The following OPCML variants were observed in gnomAD, a reference collection of about 807,000 sequenced individuals.
OPCML encodes the protein opioid-binding protein/cell adhesion molecule.
OPCML carries 13 observed loss-of-function variants against 37.8 expected under a neutral mutation model. That is an observed-to-expected ratio of 0.34 (90% CI 0.22 to 0.55). OPCML has a LOEUF of 0.55. OPCML is among the 20% of genes least tolerant of loss of function. The pLI is 0.91. For synonymous variants in OPCML, 176 were observed against 168.8 expected (o/e 1.04, Z -0.33); for missense variants, 341 against 435.6 (o/e 0.78, Z 1.93).
At chr11:133,227,225 C>A (rs962058367) in intron 1 of OPCML, among the ~76,000 whole-genome samples, 1 of 152,180 alleles carries the variant, frequency 6.6e-6, no homozygotes, top group African/African-American at 2.4e-5. Context: ...CCTGTTTCAC[C>A]CCAGCCGCAC....
At chr11:132,451,813 C>T (rs921373854) in intron 4 of OPCML, among the ~76,000 whole-genome samples, 1 of 152,166 alleles carries the variant, frequency 6.6e-6, no homozygotes, top group African/African-American at 2.4e-5. Flanking sequence ...TGTGTGTGTT[C>T]CATCAATGTG....
At chr11:133,075,195 CAG>C (rs1565433285) in intron 1 of OPCML, among the ~76,000 whole-genome samples, 1 of 152,168 alleles carries the variant, frequency 6.6e-6, no homozygotes, top group Non-Finnish European at 1.5e-5. Flanking sequence ...TTGACACTGA[CAG>C]ATATCAGAGG....
At chr11:133,484,389 A>T (rs909259963) in intron 1 of OPCML, among the ~76,000 whole-genome samples, 3 of 152,162 alleles carry the variant, frequency 2.0e-5, no homozygotes, top group African/African-American at 4.8e-5. Flanking sequence ...ATTCAAAAAA[A>T]ATCCAGCCAG....
intron 1 of OPCML, among the ~76,000 whole-genome samples, chr11:133,363,784 C>CAAA (rs201046172): frequency 0.018 from 2,735 of 152,248 alleles, 76 homozygotes; most frequent in African/African-American, 0.063. Flanking sequence ...GTATCCCAAG[C>CAAA]CGAGCAAAAG....
chr11:132,873,809 C>T (rs746633532), intron 2 of OPCML, among the ~76,000 whole-genome samples: 10 of 145,964 alleles, frequency 6.9e-5, no homozygotes, highest in Non-Finnish European at 1.2e-4. Context: ...CTAAAACAAA[C>T]TAAATCAAAT....
intron 7 of OPCML, among the ~76,000 whole-genome samples, chr11:132,424,485 G>A (rs2095971342): frequency 6.6e-6 from 1 of 152,114 alleles, no homozygotes; most frequent in South Asian, 2.1e-4. Flanking sequence ...CCGGATAAAA[G>A]CCCACGGGTT....
intron 4 of OPCML, among the ~76,000 whole-genome samples, chr11:132,506,113 G>A (rs1188945466): frequency 6.6e-6 from 1 of 152,146 alleles, no homozygotes; most frequent in African/African-American, 2.4e-5. Flanking sequence ...ATATAATGAA[G>A]GGGTAACCAC....
chr11:133,018,221 A>G (rs146993080), intron 1 of OPCML, among the ~76,000 whole-genome samples: 242 of 152,314 alleles, frequency 1.6e-3, no homozygotes, highest in African/African-American at 5.3e-3. Flanking sequence ...AACATAATTC[A>G]TCTGGAGCAA....
intron 1 of OPCML, among the ~76,000 whole-genome samples, chr11:133,108,781 G>T (rs377146924): frequency 1.1e-4 from 16 of 148,494 alleles, no homozygotes; most frequent in African/African-American, 3.8e-4. Flanking sequence ...TGTTACCAAA[G>T]ACAGCGCTTT....
chr11:133,491,490 A>C (rs922932976), intron 1 of OPCML, among the ~76,000 whole-genome samples: 3 of 152,144 alleles, frequency 2.0e-5, no homozygotes, highest in Non-Finnish European at 4.4e-5. Context: ...GCTCATAAAC[A>C]ATATTTCCCC....
chr11:132,485,466 G>A (rs1293572447), intron 4 of OPCML, among the ~76,000 whole-genome samples: 1 of 152,152 alleles, frequency 6.6e-6, no homozygotes, highest in Non-Finnish European at 1.5e-5. Flanking sequence ...CACTCAAGTA[G>A]CTACCTCCCA....
At chr11:133,216,850 A>G (rs1376527693) in intron 1 of OPCML, among the ~76,000 whole-genome samples, 1 of 152,220 alleles carries the variant, frequency 6.6e-6, no homozygotes, top group Non-Finnish European at 1.5e-5. Flanking sequence ...ATGTAAATAT[A>G]TGTGCTCATA....
At chr11:132,621,342 C>T (rs1939395849) in intron 3 of OPCML, among the ~76,000 whole-genome samples, 1 of 152,046 alleles carries the variant, frequency 6.6e-6, no homozygotes. Context: ...ATTCAAAGGA[C>T]ATGAATAAAA....
At chr11:133,427,407 G>C (rs944517114) in intron 1 of OPCML, among the ~76,000 whole-genome samples, 3 of 127,408 alleles carry the variant, frequency 2.4e-5, no homozygotes, top group African/African-American at 8.6e-5. Context: ...ACTTTGCAGA[G>C]CGGGGCCGGG....
chr11:133,218,219 C>T (rs1378053068), intron 1 of OPCML, among the ~76,000 whole-genome samples: 3 of 151,974 alleles, frequency 2.0e-5, no homozygotes, highest in Non-Finnish European at 4.4e-5. Flanking sequence ...AAATTGGAAT[C>T]AAGTTAAGAA....
intron 1 of OPCML, among the ~76,000 whole-genome samples, chr11:133,051,121 A>G (rs1948123745): frequency 2.0e-5 from 3 of 151,990 alleles, no homozygotes; most frequent in Non-Finnish European, 4.4e-5. Context: ...TATTCAGACC[A>G]AAGCTCATAA....
chr11:133,353,993 T>G (rs1333470592), intron 1 of OPCML, among the ~76,000 whole-genome samples: 2 of 25,802 alleles, frequency 7.8e-5, no homozygotes, highest in Admixed American at 1.3e-3. Context: ...TTTTCCCACA[T>G]TTTTTTTGCC....
chr11:132,569,782 A>G (rs2096432948), intron 3 of OPCML, among the ~76,000 whole-genome samples: 1 of 152,324 alleles, frequency 6.6e-6, no homozygotes, highest in East Asian at 1.9e-4. Context: ...AGCAGCAGCA[A>G]TAGACTCCCT....
At chr11:132,456,480 C>T (rs2096083192) in intron 4 of OPCML, among the ~76,000 whole-genome samples, 1 of 152,186 alleles carries the variant, frequency 6.6e-6, no homozygotes, top group African/African-American at 2.4e-5. Flanking sequence ...CAAATACCCT[C>T]GTGATCTGTC....
Sources: gnomAD v4.1 joint callset for allele counts (sites outside exome capture counted in the v4.1 genomes callset) on GRCh38, gnomAD v4.1.1 for gene constraint, MANE v1.5 for transcripts, NCBI Gene and HGNC (gene_info 2026-07-23, HGNC 2026-07-21) for gene names.